The following TSPAN17 variants were observed in gnomAD, a reference collection of about 807,000 sequenced individuals.
The protein encoded by TSPAN17 is tetraspanin-17.
In TSPAN17, 33 loss-of-function variants were observed where a neutral mutation model predicts 40.5. The ratio of observed to expected loss-of-function variants is 0.81; its 90% CI spans 0.62 to 1.09. The LOEUF (loss-of-function observed/expected upper bound fraction) is 1.09, where lower values mean the gene tolerates loss of function less well. Ranked by LOEUF, TSPAN17 falls within the 50% of genes least tolerant of loss-of-function variation. The pLI is 0.00. For synonymous variants in TSPAN17, 166 were observed against 169.4 expected, an observed-to-expected ratio of 0.98 and a Z score of 0.15; for missense variants, 365 against 416.8, an observed-to-expected ratio of 0.88 and a Z score of 1.08.
At position 176,658,390 on chromosome 5, in the gene TSPAN17, G is replaced by A. The variant is rs1063266; in HGVS notation, c.*692G>A. On this transcript the variant is annotated 3_prime_UTR_variant, in exon 9 of 9. Transcript: ENST00000508164. Reference sequence around the variant, plus strand: ...TCATCAGCTATGTGAAGGGGTGTGTGTGGAGTGATCCTGCCGCCCCCTCCC... The same window carrying A: ...TCATCAGCTATGTGAAGGGGTGTGTATGGAGTGATCCTGCCGCCCCCTCCC... 98,924 of 152,258 alleles carry A rather than the reference G, an allele frequency of 0.65. 33,187 individuals are homozygous for A. Among genetic ancestry groups the A allele is most frequent in the Admixed American group, 0.74 (11,360 of 15,296 alleles). The allele number at this position is 152,258 out of a possible 1,614,324, so 9.4% of individuals were successfully genotyped here.
intron 1 of TSPAN17, among the ~76,000 whole-genome samples, chr5:176,649,043 G>A (rs893995836): frequency 2.4e-4 from 37 of 152,128 alleles, no homozygotes; most frequent in Admixed American, 3.3e-4. Flanking sequence ...TTGCTGGGGC[G>A]GAGCGTGGGG....
At chr5:176,655,605 C>T (rs1296845783) in intron 5 of TSPAN17, among the ~76,000 whole-genome samples, 4 of 151,994 alleles carry the variant, frequency 2.6e-5, no homozygotes, top group Admixed American at 6.6e-5. Flanking sequence ...TCCAGGTTGG[C>T]GATTGCAGCC....
intron 1 of TSPAN17, 61 bp downstream of exon 1, chr5:176,647,763 CT>C: frequency 6.8e-7 from 1 of 1,468,586 alleles, no homozygotes; most frequent in South Asian, 1.3e-5. Flanking sequence ...GAGATTCAGT[CT>C]TTTGCTGGGG....
intron 5 of TSPAN17, among the ~76,000 whole-genome samples, chr5:176,655,572 C>T (rs1761121168): frequency 6.6e-6 from 1 of 152,080 alleles, no homozygotes; most frequent in African/African-American, 2.4e-5. Flanking sequence ...CACCAGCAGG[C>T]AGGATTCCTG....
Position 176,650,318 on chromosome 5 carries a change from A to G in TSPAN17, c.88-1298A>G, listed in dbSNP as rs1760921312. Among the ~76,000 whole-genome samples the G allele has an allele frequency of 6.6e-6, 1 of 152,170 alleles. No individual in the cohort carries two copies. ...GGGACCAGCCACAGGTGGTCCCTCCAGGAACACAGCCCTCCAGGAACTCCT... is the reference window on the plus strand; with the variant it reads ...GGGACCAGCCACAGGTGGTCCCTCCGGGAACACAGCCCTCCAGGAACTCCT... On this transcript the variant is annotated intron_variant, in intron 1 of 8. Coordinates refer to ENST00000508164, the MANE Select transcript of TSPAN17 (RefSeq NM_130465.5). This position sits in a 1 kb window ranked among gnomAD's most constrained non-coding sequence, Gnocchi z 4.0.
At chr5:176,655,119 G>A in intron 5 of TSPAN17, 99 bp downstream of exon 5, 2 of 1,417,682 alleles carry the variant, frequency 1.4e-6, no homozygotes, top group South Asian at 2.8e-5. Context: ...CTGCTCTGGG[G>A]GCGTGGATGC....
At chr5:176,648,293 G>A (rs61237329) in intron 1 of TSPAN17, among the ~76,000 whole-genome samples, 1 of 152,234 alleles carries the variant, frequency 6.6e-6, no homozygotes, top group East Asian at 1.9e-4. Flanking sequence ...GCGGCTGGGA[G>A]AGGATCTCCC....
rs2113480462 is a variant in TSPAN17, at chr5:176,657,608, G to A, written c.900G>A (p.Leu300=). 6.2e-7 allele frequency: 1 copy of A among 1,613,766 alleles called. No individual in the cohort carries two copies. Among genetic ancestry groups the A allele is most frequent in the East Asian group, 2.2e-5 (1 of 44,890 alleles). Residue 300 remains leucine (L), a synonymous_variant, in exon 9 of 9, where the codon CTG becomes CTA. Transcript: ENST00000508164. The part of the protein sequence containing the change: ...LSTAGPQQNS[L]TGAPGPAPPS... ...CGGCGGGGCCTCAGCAGAACTCTCT[G>A]ACTGGGGCCCCTGGCCCGGCCCCAC...
rs1470283772 is a variant in TSPAN17, at chr5:176,656,970, A to T, written c.809+14A>T. ...GAAAGCCAACTGGTGAGGCCGCCAG[A>T]GGCCATGGCCACATGCCTGGCCTAC... On this transcript the variant is annotated intron_variant, in intron 8 of 8. Transcript: ENST00000508164. 3 of 1,611,258 alleles carry T rather than the reference A, an allele frequency of 1.9e-6. No homozygotes were observed. The highest frequency in any genetic ancestry group is 2.5e-6 in the Non-Finnish European group (3 of 1,178,284).
intron 6 of TSPAN17, 139 bp downstream of exon 6, chr5:176,656,264 C>T: frequency 4.4e-6 from 4 of 905,436 alleles, no homozygotes; most frequent in African/African-American, 1.7e-5. Flanking sequence ...GCCAGACACC[C>T]AGGCAGCGGA....
intron 5 of TSPAN17, 93 bp downstream of exon 5, chr5:176,655,113 T>G (rs957920989): frequency 7.0e-7 from 1 of 1,425,940 alleles, no homozygotes; most frequent in African/African-American, 1.4e-5. Context: ...TCTGCCCTGC[T>G]CTGGGGGCGT....
Position 176,651,994 on chromosome 5 carries a change from A to G in TSPAN17, c.285+94A>G, listed in dbSNP as rs1760988232. The G allele has an allele frequency of 2.0e-6, 3 of 1,502,060 alleles. No individual in the cohort carries two copies. The highest frequency in any genetic ancestry group is 2.7e-6 in the Non-Finnish European group (3 of 1,104,328). 93.0% of individuals were successfully genotyped at this position (1,502,060 alleles called of 1,614,324 possible). Reference sequence around the variant, plus strand: ...GAGCTTAATGATGGGTAGCTTTATTATTATGCTATAATCGTCATCGTTAGA... The same window carrying G: ...GAGCTTAATGATGGGTAGCTTTATTGTTATGCTATAATCGTCATCGTTAGA... On this transcript the variant is annotated intron_variant, in intron 3 of 8. Transcript: ENST00000508164. This position sits in a 1 kb window ranked among gnomAD's most constrained non-coding sequence, Gnocchi z 4.5.
chr5:176,658,189 A>AT lies in TSPAN17; in HGVS notation c.*492dup, dbSNP rs1185646132. 1 of 153,618 alleles carries AT rather than the reference A, an allele frequency of 6.5e-6. No homozygotes were observed. The highest frequency in any genetic ancestry group is 2.4e-5 in the African/African-American group (1 of 41,446). 9.5% of individuals were successfully genotyped at this position (153,618 alleles called of 1,614,324 possible). On this transcript the variant is annotated 3_prime_UTR_variant, in exon 9 of 9. Coordinates refer to ENST00000508164, the MANE Select transcript of TSPAN17 (RefSeq NM_130465.5). ...TTCACCGTGGCTGCAGAGCTGCCTG[A>AT]TGGGCACTAGAGGGCATGCCAGCCC...
Position 176,656,894 on chromosome 5 carries a change from G to A in TSPAN17, c.748-1G>A. On this transcript the variant is annotated splice_acceptor_variant, in intron 7 of 8. Coordinates refer to ENST00000508164, the MANE Select transcript of TSPAN17 (RefSeq NM_130465.5). LOFTEE classifies it high-confidence loss of function. ...CCCCTCACCTGTCCTCTGTCTTACA[G>A]ATCTTTGGCATCTGCCTGGCCCAGA... is the stretch of plus-strand genomic sequence containing the variant. 1 of 1,614,214 alleles carries A rather than the reference G, an allele frequency of 6.2e-7. No individual in the cohort carries two copies. Among genetic ancestry groups the A allele is most frequent in the Non-Finnish European group, 8.5e-7 (1 of 1,180,044 alleles).
chr5:176,648,845 G>A (rs12522206), intron 1 of TSPAN17, among the ~76,000 whole-genome samples: 70,581 of 152,062 alleles, frequency 0.46, 18,550 homozygotes, highest in Non-Finnish European at 0.59. Flanking sequence ...CTTATTATCT[G>A]CATTTTACAG....
intron 6 of TSPAN17, among the ~76,000 whole-genome samples, 184 bp downstream of exon 6, chr5:176,656,309 G>A (rs138466979): frequency 2.1e-3 from 318 of 152,344 alleles, no homozygotes; most frequent in African/African-American, 7.4e-3. Context: ...GCAGATGTGG[G>A]TTTGCTCAGT....
intron 1 of TSPAN17, among the ~76,000 whole-genome samples, chr5:176,649,947 C>CTA (rs1305602529): frequency 2.6e-5 from 4 of 152,344 alleles, no homozygotes; most frequent in South Asian, 4.1e-4. Context: ...TCTGCCCTCT[C>CTA]TAAAGCTGGC....
intron 6 of TSPAN17, 107 bp from the exon 7 acceptor site, chr5:176,656,593 G>A: frequency 9.7e-7 from 1 of 1,031,898 alleles, no homozygotes; most frequent in Non-Finnish European, 1.5e-6. Flanking sequence ...GTGGGGAGCA[G>A]GTACTGCAGG....
chr5:176,657,333 T>G, intron 8 of TSPAN17, 185 bp from the exon 9 acceptor site: 4 of 1,079,772 alleles, frequency 3.7e-6, no homozygotes, highest in African/African-American at 3.2e-5. Context: ...TGCCCCCCAG[T>G]GCTGGGACGC....
Sources: allele counts gnomAD v4.1 joint callset (sites outside exome capture counted in the v4.1 genomes callset), GRCh38; gene constraint gnomAD v4.1.1; non-coding constraint Gnocchi (gnomAD v3.1); transcripts MANE v1.5; gene names NCBI Gene and HGNC (gene_info 2026-07-23, HGNC 2026-07-21).